The following SDCCAG8 variants were observed in gnomAD, a reference collection of about 807,000 sequenced individuals.
SDCCAG8 encodes the protein SHH signaling and ciliogenesis regulator SDCCAG8.
SDCCAG8 carries 74 observed loss-of-function variants against 101.8 expected under a neutral mutation model. The observed-to-expected ratio is 0.73, with a 90% confidence interval of 0.60 to 0.88. The LOEUF is 0.88. Ranked by LOEUF, SDCCAG8 falls within the 40% of genes least tolerant of loss-of-function variation. The pLI is 0.00. For missense variants in SDCCAG8, 787 were observed against 822.6 expected (o/e 0.96, Z 0.53); for synonymous variants, 281 against 292.9 (o/e 0.96, Z 0.41).
intron 16 of SDCCAG8, among the ~76,000 whole-genome samples, chr1:243,429,448 C>T (rs2081566524): frequency 6.6e-6 from 1 of 152,128 alleles, no homozygotes; most frequent in South Asian, 2.1e-4. Context: ...GGGGTTGATG[C>T]TCCTAACCCC....
chr1:243,438,333 A>G (rs920930480), intron 16 of SDCCAG8, among the ~76,000 whole-genome samples: 2 of 152,110 alleles, frequency 1.3e-5, no homozygotes, highest in African/African-American at 4.8e-5. Context: ...TACAGTGGCC[A>G]TTTCCCCTTT....
At chr1:243,412,346 A>ACATTAATTAT (rs1420801351) in intron 13 of SDCCAG8, among the ~76,000 whole-genome samples, 11 of 152,162 alleles carry the variant, frequency 7.2e-5, no homozygotes, top group Non-Finnish European at 1.5e-4. Flanking sequence ...CACATAAAAG[A>ACATTAATTAT]CATTAATATT....
At chr1:243,402,455 A>G (rs2079469726) in intron 13 of SDCCAG8, among the ~76,000 whole-genome samples, 1 of 152,114 alleles carries the variant, frequency 6.6e-6, no homozygotes, top group South Asian at 2.1e-4. Context: ...TAGTTTTAAT[A>G]ACATAATTTA....
intron 13 of SDCCAG8, among the ~76,000 whole-genome samples, chr1:243,404,005 G>T (rs949398600): frequency 2.6e-5 from 4 of 152,204 alleles, no homozygotes; most frequent in African/African-American, 9.6e-5. Flanking sequence ...GCACACAGCT[G>T]CTAAGTGGAG....
At chr1:243,287,182 T>G (rs1228856038) in intron 5 of SDCCAG8, among the ~76,000 whole-genome samples, 1 of 152,226 alleles carries the variant, frequency 6.6e-6, no homozygotes, top group Middle Eastern at 3.2e-3. Flanking sequence ...ATCAGAGTAC[T>G]TTTGTCTTAA....
Position 243,274,568 on chromosome 1 carries a change from A to G in SDCCAG8, c.332A>G (p.Asn111Ser). 2 of 1,604,208 alleles carry G rather than the reference A, an allele frequency of 1.2e-6. No individual in the cohort carries two copies. Among genetic ancestry groups the G allele is most frequent in the Non-Finnish European group, 1.7e-6 (2 of 1,171,896 alleles). ...AGGTCATTAGAACATGAGGAAACCA[A>G]TATGCCTACTATGCACGACCTTGTT... is the stretch of plus-strand genomic sequence containing the variant. ...PLRSLEHEET[N>S]MPTMHDLVHT... The change falls in exon 4 of 18, where the codon AAT becomes AGT. Residue 111 changes from asparagine (N) to serine (S), a missense_variant. Coordinates refer to ENST00000366541, the MANE Select transcript of SDCCAG8 (RefSeq NM_006642.5).
intron 16 of SDCCAG8, among the ~76,000 whole-genome samples, chr1:243,472,066 A>G (rs1012755503): frequency 1.3e-5 from 2 of 152,194 alleles, no homozygotes; most frequent in African/African-American, 4.8e-5. Context: ...GTTTCTTCTC[A>G]TAGGAAGGCT....
intron 9 of SDCCAG8, among the ~76,000 whole-genome samples, chr1:243,327,781 A>G (rs1445303509): frequency 6.6e-6 from 1 of 152,248 alleles, no homozygotes; most frequent in African/African-American, 2.4e-5. Flanking sequence ...ATCTTTAGAA[A>G]GAATAAATCA....
chr1:243,377,456 A>G (rs2077663361), intron 12 of SDCCAG8, among the ~76,000 whole-genome samples: 1 of 152,040 alleles, frequency 6.6e-6, no homozygotes, highest in African/African-American at 2.4e-5. Flanking sequence ...GATACAGAAA[A>G]TCTACAGTGA....
At chr1:243,314,097 G>T (rs940140679) in intron 8 of SDCCAG8, among the ~76,000 whole-genome samples, 2 of 152,202 alleles carry the variant, frequency 1.3e-5, no homozygotes, top group Admixed American at 1.3e-4. Context: ...CCAAAACCAA[G>T]ATTTAGTAAC....
chr1:243,442,611 A>AT (rs1415714226), intron 16 of SDCCAG8, among the ~76,000 whole-genome samples: 1 of 147,170 alleles, frequency 6.8e-6, no homozygotes, highest in Non-Finnish European at 1.5e-5. Flanking sequence ...GAAAAAGAAC[A>AT]TTAAAAAAAA....
At chr1:243,370,010 C>T (rs1345784440) in intron 12 of SDCCAG8, among the ~76,000 whole-genome samples, 2 of 151,940 alleles carry the variant, frequency 1.3e-5, no homozygotes, top group Admixed American at 6.6e-5. Flanking sequence ...TTACTCTTGG[C>T]GATATTCACA....
chr1:243,272,154 A>C (rs1341930700), intron 3 of SDCCAG8, among the ~76,000 whole-genome samples: 4 of 152,240 alleles, frequency 2.6e-5, no homozygotes, highest in Non-Finnish European at 5.9e-5. Context: ...ATAAGATTAC[A>C]TACTTAAAAT....
chr1:243,393,908 T>C (rs2078881325), intron 13 of SDCCAG8, among the ~76,000 whole-genome samples: 1 of 152,300 alleles, frequency 6.6e-6, no homozygotes, highest in South Asian at 2.1e-4. Flanking sequence ...CCTTCTTTTT[T>C]CCCCCATGTA....
chr1:243,298,232 G>C (rs1367974320), intron 6 of SDCCAG8, among the ~76,000 whole-genome samples: 1 of 151,308 alleles, frequency 6.6e-6, no homozygotes, highest in African/African-American at 2.4e-5. Flanking sequence ...TGTATTTTTA[G>C]TAGAGACGGA....
intron 13 of SDCCAG8, among the ~76,000 whole-genome samples, chr1:243,379,866 A>G (rs2077833387): frequency 2.0e-5 from 3 of 152,358 alleles, no homozygotes; most frequent in Admixed American, 6.5e-5. Flanking sequence ...AAATATGACA[A>G]TGTAATTCTG....
intron 16 of SDCCAG8, among the ~76,000 whole-genome samples, chr1:243,460,684 C>T (rs1658895272): frequency 1.3e-5 from 2 of 152,334 alleles, no homozygotes; most frequent in South Asian, 4.1e-4. Context: ...GATGGAAATA[C>T]TGGAGATGGG....
At chr1:243,411,299 G>A (rs2080159044) in intron 13 of SDCCAG8, among the ~76,000 whole-genome samples, 1 of 151,404 alleles carries the variant, frequency 6.6e-6, no homozygotes, top group Non-Finnish European at 1.5e-5. Context: ...AGTTTTTTTT[G>A]TAGAGATGGA....
chr1:243,402,634 G>A (rs543412311), intron 13 of SDCCAG8, among the ~76,000 whole-genome samples: 3 of 151,966 alleles, frequency 2.0e-5, no homozygotes, highest in Admixed American at 6.6e-5. Flanking sequence ...CTAACCCCAC[G>A]TGGCCAGTGG....
Sources: gnomAD v4.1 joint callset for allele counts (sites outside exome capture counted in the v4.1 genomes callset) on GRCh38, gnomAD v4.1.1 for gene constraint, MANE v1.5 for transcripts, NCBI Gene and HGNC (gene_info 2026-07-23, HGNC 2026-07-21) for gene names.